Variants in AGBL4 observed in about 807,000 individuals in gnomAD.
The protein encoded by AGBL4 is AGBL carboxypeptidase 4.
AGBL4 carries 58 observed loss-of-function variants against 66.4 expected under a neutral mutation model. The ratio of observed to expected loss-of-function variants is 0.87; its 90% CI spans 0.71 to 1.09. The LOEUF is 1.09. AGBL4 is among the 50% of genes least tolerant of loss of function. AGBL4 has a pLI of 0.00. For missense variants in AGBL4, 579 were observed against 631.0 expected, an observed-to-expected ratio of 0.92 and a Z score of 0.88; for synonymous variants, 234 against 222.9, an observed-to-expected ratio of 1.05 and a Z score of -0.44.
At chr1:48,543,888 G>A (rs1644117516) in intron 11 of AGBL4, among the ~76,000 whole-genome samples, 1 of 152,102 alleles carries the variant, frequency 6.6e-6, no homozygotes, top group African/African-American at 2.4e-5. Flanking sequence ...TTTTGTTATG[G>A]GAGGTTAAGG....
At chr1:48,695,673 G>A (rs1019981161) in intron 6 of AGBL4, among the ~76,000 whole-genome samples, 19 of 152,058 alleles carry the variant, frequency 1.2e-4, no homozygotes, top group African/African-American at 4.6e-4. Flanking sequence ...GAGCAGTGCT[G>A]GAATGGGAGT....
At chr1:49,156,474 C>G (rs1646432443) in intron 4 of AGBL4, among the ~76,000 whole-genome samples, 1 of 152,274 alleles carries the variant, frequency 6.6e-6, no homozygotes. Flanking sequence ...CTAGATTGTT[C>G]TAGCTCAAGG....
At chr1:49,899,440 C>T (rs1001055283) in intron 1 of AGBL4, among the ~76,000 whole-genome samples, 1 of 151,738 alleles carries the variant, frequency 6.6e-6, no homozygotes, top group African/African-American at 2.4e-5. Flanking sequence ...ACACAATATA[C>T]ACTTTTGTGA....
intron 4 of AGBL4, among the ~76,000 whole-genome samples, chr1:49,223,868 G>T (rs1649695081): frequency 6.6e-6 from 1 of 152,170 alleles, no homozygotes; most frequent in Non-Finnish European, 1.5e-5. Flanking sequence ...TCTGCCCATT[G>T]ATTCTGACAG....
chr1:49,748,889 T>A (rs1651218113), intron 2 of AGBL4, among the ~76,000 whole-genome samples: 1 of 152,204 alleles, frequency 6.6e-6, no homozygotes, highest in South Asian at 2.1e-4. Context: ...TTAGGTTCCT[T>A]GTAGATTCTG....
At chr1:49,507,102 C>T (rs1054255520) in intron 3 of AGBL4, among the ~76,000 whole-genome samples, 2 of 151,946 alleles carry the variant, frequency 1.3e-5, no homozygotes, top group Non-Finnish European at 2.9e-5. Flanking sequence ...CCTAAACCAC[C>T]CTGTAAAAAG....
chr1:49,764,770 T>C (rs1474594719), intron 2 of AGBL4, among the ~76,000 whole-genome samples: 1 of 152,068 alleles, frequency 6.6e-6, no homozygotes, highest in African/African-American at 2.4e-5. Context: ...AGAGGATCCA[T>C]AAAGTTATCT....
At chr1:48,598,608 C>G (rs1645031584) in intron 9 of AGBL4, among the ~76,000 whole-genome samples, 1 of 152,022 alleles carries the variant, frequency 6.6e-6, no homozygotes, top group Non-Finnish European at 1.5e-5. Context: ...GAACGCCTGT[C>G]TCTACTGAAA....
At chr1:48,687,634 C>A (rs1392347000) in intron 6 of AGBL4, among the ~76,000 whole-genome samples, 2 of 152,230 alleles carry the variant, frequency 1.3e-5, no homozygotes, top group Admixed American at 6.5e-5. Context: ...GATCTGCTGA[C>A]CAGCAGCTGT....
intron 2 of AGBL4, among the ~76,000 whole-genome samples, chr1:49,762,130 T>A (rs1268924117): frequency 1.3e-5 from 2 of 152,202 alleles, no homozygotes; most frequent in Non-Finnish European, 2.9e-5. Flanking sequence ...CATTTCTATT[T>A]TTAATTTTTT....
intron 4 of AGBL4, among the ~76,000 whole-genome samples, chr1:49,128,916 A>C (rs2148062430): frequency 6.6e-6 from 1 of 152,164 alleles, no homozygotes; most frequent in Admixed American, 6.6e-5. Flanking sequence ...AAAATTCAGA[A>C]AATGCAAAAT....
At chr1:48,942,314 G>A (rs145230698) in intron 5 of AGBL4, among the ~76,000 whole-genome samples, 6 of 150,596 alleles carry the variant, frequency 4.0e-5, no homozygotes, top group African/African-American at 7.3e-5. Context: ...TTGTGGTGGG[G>A]GGGGGGGGTT....
intron 4 of AGBL4, 49 bp downstream of exon 4, chr1:49,245,721 G>A (rs1651587892): frequency 2.8e-6 from 4 of 1,413,056 alleles, no homozygotes; most frequent in Non-Finnish European, 3.9e-6. Context: ...TATGGGGTCT[G>A]GGACAAATTT....
chr1:49,142,681 T>C (rs1646142313), intron 4 of AGBL4, among the ~76,000 whole-genome samples: 1 of 152,166 alleles, frequency 6.6e-6, no homozygotes, highest in Non-Finnish European at 1.5e-5. Context: ...CCCTGGACAG[T>C]AATCATAAAA....
chr1:49,719,428 C>A (rs1215262352), intron 2 of AGBL4, among the ~76,000 whole-genome samples: 1 of 152,100 alleles, frequency 6.6e-6, no homozygotes, highest in Non-Finnish European at 1.5e-5. Flanking sequence ...CCTGCCTCCC[C>A]AAAGGAGTTA....
At chr1:49,059,407 AG>A (rs1467561237) in intron 4 of AGBL4, among the ~76,000 whole-genome samples, 1 of 152,254 alleles carries the variant, frequency 6.6e-6, no homozygotes, top group Non-Finnish European at 1.5e-5. Context: ...TAGATTTCAG[AG>A]GAGGTATGGA....
chr1:49,339,177 A>G (rs1486020003), intron 3 of AGBL4, among the ~76,000 whole-genome samples: 2 of 152,090 alleles, frequency 1.3e-5, no homozygotes, highest in Admixed American at 6.6e-5. Context: ...TCAAATAATA[A>G]AGTCAAACTG....
intron 5 of AGBL4, among the ~76,000 whole-genome samples, chr1:48,957,625 A>G (rs1170989012): frequency 6.6e-6 from 1 of 152,202 alleles, no homozygotes; most frequent in Non-Finnish European, 1.5e-5. Context: ...TCTGTGCGTT[A>G]TCCACAAGGC....
chr1:49,580,729 C>T (rs992366576), intron 3 of AGBL4, among the ~76,000 whole-genome samples: 41 of 152,088 alleles, frequency 2.7e-4, no homozygotes, highest in African/African-American at 9.4e-4. Context: ...CTATTCTGGC[C>T]TGTGTGGTTT....
Sources: gnomAD v4.1 joint callset for allele counts (sites outside exome capture counted in the v4.1 genomes callset) on GRCh38, gnomAD v4.1.1 for gene constraint, MANE v1.5 for transcripts, NCBI Gene and HGNC (gene_info 2026-07-23, HGNC 2026-07-21) for gene names.